PPARA: variants seen among roughly 807,000 people sequenced by gnomAD.
PPARA encodes the protein peroxisome proliferator-activated receptor alpha.
Under a neutral mutation model 42.2 loss-of-function variants are expected in PPARA, and 22 were observed. The ratio of observed to expected loss-of-function variants is 0.52; its 90% CI spans 0.37 to 0.74. The LOEUF is 0.74. Ranked by LOEUF, PPARA falls within the 30% of genes least tolerant of loss-of-function variation. PPARA has a pLI of 0.00. For missense variants in PPARA, 465 were observed against 608.2 expected, an observed-to-expected ratio of 0.76 and a Z score of 2.48; for synonymous variants, 242 against 239.3, an observed-to-expected ratio of 1.01 and a Z score of -0.10.
intron 2 of PPARA, among the ~76,000 whole-genome samples, chr22:46,169,962 G>A (rs1927734628): frequency 6.6e-6 from 1 of 151,966 alleles, no homozygotes; most frequent in Admixed American, 6.6e-5. Flanking sequence ...AGTTCAAATG[G>A]CCTGAAAACT....
At chr22:46,205,716 G>A (rs902232252) in intron 4 of PPARA, among the ~76,000 whole-genome samples, 2 of 150,768 alleles carry the variant, frequency 1.3e-5, no homozygotes, top group Admixed American at 1.3e-4. Flanking sequence ...ACAGGCATGT[G>A]CTACCAGGCC....
Position 46,230,865 on chromosome 22 carries a change from T to A in PPARA, c.712-927T>A, listed in dbSNP as rs1377005170. Among the ~76,000 whole-genome samples, 1 of 152,216 alleles carries A rather than the reference T, an allele frequency of 6.6e-6. No homozygotes were observed. The highest frequency in any genetic ancestry group is 2.4e-5 in the African/African-American group (1 of 41,466). On this transcript the variant is annotated intron_variant, in intron 7 of 8. Transcript: ENST00000407236. This position sits in a 1 kb window ranked among gnomAD's most constrained non-coding sequence, Gnocchi z 5.0. ...GTATGTATTTACATGCCAAATGTAT[T>A]CATTGAGCAGCGTTAAATAATGGTG...
Position 46,167,859 on chromosome 22 carries a change from A to G in PPARA, c.-126-8894A>G, listed in dbSNP as rs890554171. 1.3e-5 allele frequency among the ~76,000 whole-genome samples: 2 copies of G among 150,828 alleles called. No homozygotes were observed. Among genetic ancestry groups the G allele is most frequent in the African/African-American group, 2.5e-5 (1 of 40,478 alleles). ...GGAGTCCGAGAGCAGCCTGGGCAACATAACAAGAGTGGGTCTTTACCAAAA... is the reference window on the plus strand; with the variant it reads ...GGAGTCCGAGAGCAGCCTGGGCAACGTAACAAGAGTGGGTCTTTACCAAAA... On this transcript the variant is annotated intron_variant, in intron 2 of 8. Transcript: ENST00000407236. This position sits in a 1 kb window ranked among gnomAD's most constrained non-coding sequence, Gnocchi z 4.1.
intron 7 of PPARA, among the ~76,000 whole-genome samples, chr22:46,226,219 A>T (rs560918287): frequency 6.6e-6 from 1 of 152,174 alleles, no homozygotes; most frequent in African/African-American, 2.4e-5. Context: ...ACATATGCTC[A>T]CACACACGTG....
In PPARA at chr22:46,235,502, T is replaced by A; in HGVS notation, c.*122T>A. 7.5e-7 allele frequency: 1 copy of A among 1,329,494 alleles called. No individual in the cohort carries two copies. Among genetic ancestry groups the A allele is most frequent in the Non-Finnish European group, 1.0e-6 (1 of 955,318 alleles). 82.4% of individuals were successfully genotyped at this position (1,329,494 alleles called of 1,614,324 possible). On this transcript the variant is annotated 3_prime_UTR_variant, in exon 9 of 9. Transcript: ENST00000407236. This position sits in a 1 kb window ranked among gnomAD's most constrained non-coding sequence, Gnocchi z 7.0. ...CACTTTAACCTTAGAGCTTGGACAG[T>A]CTGAGCTGTAGGTAACCGGCATATT...
rs542765386 is a variant in PPARA at position 46,161,718 on chromosome 22, G to A, written c.-127+9748G>A. On this transcript the variant is annotated intron_variant, in intron 2 of 8. Transcript: ENST00000407236. This position sits in a 1 kb window ranked among gnomAD's most constrained non-coding sequence, Gnocchi z 4.8. ...TCCACCAGGTATCATTTTTATACAC[G>A]TGAAGTTAAATCACCAAAGGACCAG... 2.6e-5 allele frequency among the ~76,000 whole-genome samples: 4 copies of A among 152,322 alleles called. No individual in the cohort carries two copies. The highest frequency in any genetic ancestry group is 2.1e-4 in the South Asian group (1 of 4,828).
Position 46,193,061 on chromosome 22 carries a change from T to C in PPARA, c.-42-5281T>C, listed in dbSNP as rs1931774514. ...TGAATAAGACCCACTAGGTTTTTTG[T>C]TGTTTTGTTGTTGTTGTTGTTTTGA... is the stretch of plus-strand genomic sequence containing the variant. On this transcript the variant is annotated intron_variant, in intron 3 of 8. Coordinates refer to ENST00000407236, the MANE Select transcript of PPARA (RefSeq NM_005036.6). The surrounding 1 kb of genome is among the most constrained non-coding windows in gnomAD (Gnocchi z 5.3). Among the ~76,000 whole-genome samples the C allele has an allele frequency of 6.6e-6, 1 of 152,070 alleles. No individual in the cohort carries two copies. The highest frequency in any genetic ancestry group is 6.6e-5 in the Admixed American group (1 of 15,236).
At chr22:46,158,212 GC>G (rs1233947871) in intron 2 of PPARA, among the ~76,000 whole-genome samples, 3 of 152,162 alleles carry the variant, frequency 2.0e-5, no homozygotes, top group Non-Finnish European at 4.4e-5. Context: ...TTTGAGACCA[GC>G]CTGGCCATCA....
Position 46,235,221 on chromosome 22 carries a change from C to G in PPARA, c.1248C>G (p.His416Gln). The G allele has an allele frequency of 1.9e-6, 3 of 1,614,164 alleles. No homozygotes were observed. The highest frequency in any genetic ancestry group is 2.5e-6 in the Non-Finnish European group (3 of 1,180,038). The change falls in exon 9 of 9, where the codon CAC becomes CAG. Residue 416 changes from histidine (H) to glutamine (Q), a missense_variant. Coordinates refer to ENST00000407236, the MANE Select transcript of PPARA (RefSeq NM_005036.6). The surrounding 1 kb of genome is among the most constrained non-coding windows in gnomAD (Gnocchi z 7.0). ...HVLRLHLQSNHPDDIFLFPKL... is the reference protein window; with the variant it reads ...HVLRLHLQSNQPDDIFLFPKL... ...TCAGACTCCACCTGCAGAGCAACCA[C>G]CCGGACGATATCTTTCTCTTCCCAA...
chr22:46,223,368 C>T (rs1202933306), intron 7 of PPARA, among the ~76,000 whole-genome samples: 4 of 151,984 alleles, frequency 2.6e-5, no homozygotes. Flanking sequence ...ATAGGCCAGG[C>T]GCGGTGGCTC....
chr22:46,226,680 A>G (rs1935483530), intron 7 of PPARA, among the ~76,000 whole-genome samples: 1 of 152,118 alleles, frequency 6.6e-6, no homozygotes, highest in Admixed American at 6.6e-5. Flanking sequence ...AAAAAATAAG[A>G]AAGGCCGGCT....
rs1487083637 is a variant in PPARA, at chr22:46,161,641, T to C, written c.-127+9671T>C. Among the ~76,000 whole-genome samples the C allele has an allele frequency of 1.3e-5, 2 of 152,158 alleles. No homozygotes were observed. Among genetic ancestry groups the C allele is most frequent in the Non-Finnish European group, 2.9e-5 (2 of 68,026 alleles). Reference sequence around the variant, plus strand: ...ATTAGAACTCAGAAAAGGAATTAATTTCTTCTGAGAGAGAAAAAGATGAGA... The same window carrying C: ...ATTAGAACTCAGAAAAGGAATTAATCTCTTCTGAGAGAGAAAAAGATGAGA... On this transcript the variant is annotated intron_variant, in intron 2 of 8. Coordinates refer to ENST00000407236, the MANE Select transcript of PPARA (RefSeq NM_005036.6). The surrounding 1 kb of genome is among the most constrained non-coding windows in gnomAD (Gnocchi z 4.8).
At chr22:46,198,822 A>G (rs1016238308) in intron 4 of PPARA, among the ~76,000 whole-genome samples, 21 of 151,666 alleles carry the variant, frequency 1.4e-4, no homozygotes, top group East Asian at 1.9e-4. Flanking sequence ...CACCACGCCC[A>G]GCTAATTTTT....
chr22:46,175,279 A>G (rs1928852931), intron 2 of PPARA, among the ~76,000 whole-genome samples: 1 of 152,178 alleles, frequency 6.6e-6, no homozygotes, highest in South Asian at 2.1e-4. Context: ...ACTGACATTG[A>G]TACCATCAAG....
rs1935305743 is a variant in PPARA at position 46,225,059 on chromosome 22, C to T, written c.711+5045C>T. Reference sequence around the variant, plus strand: ...GTCGGGGTTGGAACCGGCCAGGGTGCACGGAGGAGGCTGTGGGGGCAGGGG... The same window carrying T: ...GTCGGGGTTGGAACCGGCCAGGGTGTACGGAGGAGGCTGTGGGGGCAGGGG... On this transcript the variant is annotated intron_variant, in intron 7 of 8. Coordinates refer to ENST00000407236, the MANE Select transcript of PPARA (RefSeq NM_005036.6). The surrounding 1 kb of genome is among the most constrained non-coding windows in gnomAD (Gnocchi z 4.1). 6.6e-6 allele frequency among the ~76,000 whole-genome samples: 1 copy of T among 151,712 alleles called. No individual in the cohort carries two copies. The highest frequency in any genetic ancestry group is 2.4e-5 in the African/African-American group (1 of 41,252).
rs1381872144 is a variant in PPARA, at chr22:46,180,588, A to G, written c.-43+3752A>G. On this transcript the variant is annotated intron_variant, in intron 3 of 8. Coordinates refer to ENST00000407236, the MANE Select transcript of PPARA (RefSeq NM_005036.6). The surrounding 1 kb of genome is among the most constrained non-coding windows in gnomAD (Gnocchi z 4.2). ...AAGATGTAAGGCATGTCACAAGAAT[A>G]TCACAAGATGATAACGGCCTTTATT... Among the ~76,000 whole-genome samples, 2 of 152,232 alleles carry G rather than the reference A, an allele frequency of 1.3e-5. No individual in the cohort carries two copies. Among genetic ancestry groups the G allele is most frequent in the Non-Finnish European group, 2.9e-5 (2 of 68,044 alleles).
intron 4 of PPARA, among the ~76,000 whole-genome samples, chr22:46,214,842 G>A (rs1317958440): frequency 2.7e-5 from 4 of 150,008 alleles, no homozygotes; most frequent in Non-Finnish European, 5.9e-5. Flanking sequence ...GGGGCGGGAT[G>A]TGTGGATGGG....
rs2070561010 is a variant in PPARA, at chr22:46,204,572, G to GTGA, written c.208+5984_208+5986dup. ...TAATTTTAACCATGTCAGTAGGTGT[G>GTGA]TGATGGTCTCTCACTGTGGTGATTT... On this transcript the variant is annotated intron_variant, in intron 4 of 8. Coordinates refer to ENST00000407236, the MANE Select transcript of PPARA (RefSeq NM_005036.6). The surrounding 1 kb of genome is among the most constrained non-coding windows in gnomAD (Gnocchi z 5.2). Among the ~76,000 whole-genome samples, 2 of 152,196 alleles carry GTGA rather than the reference G, an allele frequency of 1.3e-5. No homozygotes were observed. Among genetic ancestry groups the GTGA allele is most frequent in the African/African-American group, 4.8e-5 (2 of 41,466 alleles).
At chr22:46,223,108 A>G (rs1935127754) in intron 7 of PPARA, among the ~76,000 whole-genome samples, 1 of 152,188 alleles carries the variant, frequency 6.6e-6, no homozygotes, top group Admixed American at 6.5e-5. Flanking sequence ...GCGAGCCACG[A>G]TCGCGCCACT....
Sources: allele counts gnomAD v4.1 joint callset (sites outside exome capture counted in the v4.1 genomes callset), GRCh38; gene constraint gnomAD v4.1.1; non-coding constraint Gnocchi (gnomAD v3.1); transcripts MANE v1.5; gene names NCBI Gene and HGNC (gene_info 2026-07-23, HGNC 2026-07-21).